DGKB: variants seen among roughly 807,000 people sequenced by gnomAD.
DGKB encodes the protein diacylglycerol kinase beta.
DGKB carries 67 observed loss-of-function variants against 114.3 expected under a neutral mutation model. The ratio of observed to expected loss-of-function variants is 0.59; its 90% CI spans 0.48 to 0.72. The LOEUF is 0.72. Ranked by LOEUF, DGKB falls within the 30% of genes least tolerant of loss-of-function variation. The pLI, the probability that DGKB is intolerant of heterozygous loss-of-function variation, is 0.00. For synonymous variants in DGKB, 398 were observed against 323.1 expected, an observed-to-expected ratio of 1.23 and a Z score of -2.49; for missense variants, 907 against 975.2, an observed-to-expected ratio of 0.93 and a Z score of 0.93.
At chr7:14,515,426 CCAAA>C (rs1440378287) in intron 20 of DGKB, among the ~76,000 whole-genome samples, 2 of 152,052 alleles carry the variant, frequency 1.3e-5, no homozygotes, top group African/African-American at 4.8e-5. Context: ...GACTGGCAGA[CCAAA>C]CACTTTTTCC....
intron 1 of DGKB, among the ~76,000 whole-genome samples, chr7:14,879,905 T>A (rs534948587): frequency 1.3e-5 from 2 of 152,294 alleles, no homozygotes; most frequent in Admixed American, 6.5e-5. Flanking sequence ...AAATTATATA[T>A]AATTTCTAGT....
chr7:14,464,907 C>G (rs1833602573), intron 21 of DGKB, among the ~76,000 whole-genome samples: 1 of 152,108 alleles, frequency 6.6e-6, no homozygotes, highest in African/African-American at 2.4e-5. Flanking sequence ...CACATGACAC[C>G]ACCATGCCCC....
intron 2 of DGKB, among the ~76,000 whole-genome samples, chr7:14,840,040 C>T (rs1028679797): frequency 5.9e-5 from 9 of 152,110 alleles, no homozygotes; most frequent in African/African-American, 1.7e-4. Flanking sequence ...ATAGTATTCG[C>T]TATTACCATC....
rs528900616 is a variant in DGKB at position 14,648,259 on chromosome 7, A to G, written c.1135-17991T>C. Reference sequence around the variant, plus strand: ...TAAATGTCCCTGTCTGACAGCTTTGAAGAGAGCAGTAGTTCTCCCAGCATG... The same window carrying G: ...TAAATGTCCCTGTCTGACAGCTTTGGAGAGAGCAGTAGTTCTCCCAGCATG... On this transcript the variant is annotated intron_variant, in intron 13 of 25. Coordinates refer to ENST00000402815, the MANE Select transcript of DGKB (RefSeq NM_001350709.2). Among the ~76,000 whole-genome samples, 639 of 152,282 alleles carry G rather than the reference A, an allele frequency of 4.2e-3. 2 individuals are homozygous for G. Among genetic ancestry groups the G allele is most frequent in the African/African-American group, 0.014 (588 of 41,548 alleles).
At chr7:14,638,766 G>A (rs10282218) in intron 13 of DGKB, among the ~76,000 whole-genome samples, 4,094 of 152,258 alleles carry the variant, frequency 0.027, 171 homozygotes, top group African/African-American at 0.093. Flanking sequence ...TGAGGGCCGG[G>A]TGCAGTGGCT....
intron 20 of DGKB, among the ~76,000 whole-genome samples, chr7:14,505,806 CAT>C (rs1445757993): frequency 2.0e-5 from 3 of 152,198 alleles, no homozygotes; most frequent in African/African-American, 7.2e-5. Flanking sequence ...ACCATGTCCT[CAT>C]GTGTAAATTC....
At chr7:14,739,000 T>C (rs1832148440) in intron 4 of DGKB, among the ~76,000 whole-genome samples, 1 of 152,240 alleles carries the variant, frequency 6.6e-6, no homozygotes, top group Non-Finnish European at 1.5e-5. Context: ...GCAAAGAATT[T>C]ATCTGCTCTT....
chr7:14,176,193 A>T (rs1781714734), intron 25 of DGKB: 1 of 234,064 alleles, frequency 4.3e-6, no homozygotes, highest in Non-Finnish European at 7.0e-6. Context: ...ACTTGAAGGA[A>T]ATTACACTGT....
At chr7:14,185,507 G>GA (rs968634023) in intron 23 of DGKB, among the ~76,000 whole-genome samples, 7 of 151,124 alleles carry the variant, frequency 4.6e-5, no homozygotes, top group Admixed American at 6.6e-5. Context: ...CACAGAATTA[G>GA]AAAAAAAAAT....
chr7:14,220,382 T>A (rs969666363), intron 23 of DGKB, among the ~76,000 whole-genome samples: 1 of 151,498 alleles, frequency 6.6e-6, no homozygotes, highest in Non-Finnish European at 1.5e-5. Flanking sequence ...TGAAGACTAT[T>A]GTCTCCATTA....
chr7:14,555,238 A>G (rs951106295), intron 20 of DGKB, among the ~76,000 whole-genome samples: 8 of 152,192 alleles, frequency 5.3e-5, no homozygotes, highest in Admixed American at 3.3e-4. Context: ...TTGATACTTC[A>G]ACATCTAACA....
At chr7:14,686,225 C>A (rs953605888) in intron 9 of DGKB, among the ~76,000 whole-genome samples, 5 of 151,878 alleles carry the variant, frequency 3.3e-5, no homozygotes, top group Non-Finnish European at 7.4e-5. Context: ...AATAGCTACT[C>A]CTGTAGGTAT....
intron 2 of DGKB, among the ~76,000 whole-genome samples, chr7:14,816,885 G>A (rs890048301): frequency 6.6e-5 from 10 of 152,148 alleles, no homozygotes; most frequent in African/African-American, 2.2e-4. Context: ...GGATAAGCTG[G>A]TGAGTTTGTG....
chr7:14,722,001 A>C (rs1292547436), intron 5 of DGKB, among the ~76,000 whole-genome samples: 2 of 152,046 alleles, frequency 1.3e-5, no homozygotes, highest in Non-Finnish European at 2.9e-5. Flanking sequence ...CATTAATTCT[A>C]CTTCTGTTTA....
At chr7:14,813,891 T>C (rs1349617461) in intron 2 of DGKB, among the ~76,000 whole-genome samples, 4 of 152,196 alleles carry the variant, frequency 2.6e-5, no homozygotes, top group Non-Finnish European at 4.4e-5. Flanking sequence ...TTTTATATTA[T>C]GTGTTTGCTT....
At chr7:14,713,798 G>A (rs1396783665) in intron 6 of DGKB, among the ~76,000 whole-genome samples, 1 of 151,652 alleles carries the variant, frequency 6.6e-6, no homozygotes, top group Non-Finnish European at 1.5e-5. Flanking sequence ...TCTACTTTCT[G>A]AATATTGATT....
chr7:14,842,589 T>A (rs1424448852), intron 1 of DGKB, among the ~76,000 whole-genome samples: 1 of 152,206 alleles, frequency 6.6e-6, no homozygotes, highest in Non-Finnish European at 1.5e-5. Context: ...ATTGTGGACA[T>A]CTTCCACCCA....
intron 21 of DGKB, among the ~76,000 whole-genome samples, chr7:14,431,540 C>T (rs1245551391): frequency 6.6e-6 from 1 of 152,120 alleles, no homozygotes; most frequent in East Asian, 1.9e-4. Flanking sequence ...AATTTAGTAG[C>T]TCTTACATAA....
At chr7:14,314,926 C>A (rs959474473) in intron 23 of DGKB, among the ~76,000 whole-genome samples, 12 of 151,736 alleles carry the variant, frequency 7.9e-5, no homozygotes, top group South Asian at 2.1e-4. Flanking sequence ...AGACTAACAG[C>A]GGATCTCTCG....
Sources: gnomAD v4.1 joint callset for allele counts (sites outside exome capture counted in the v4.1 genomes callset) on GRCh38, gnomAD v4.1.1 for gene constraint, MANE v1.5 for transcripts, NCBI Gene and HGNC (gene_info 2026-07-23, HGNC 2026-07-21) for gene names.